The following PCNX1 variants were observed in gnomAD, a reference collection of about 807,000 sequenced individuals.
PCNX1 encodes pecanex-like protein 1.
PCNX1 carries 78 observed loss-of-function variants against 242.2 expected under a neutral mutation model. The observed-to-expected ratio is 0.32, with a 90% CI of 0.27 to 0.39. The LOEUF is 0.39. Among genes scored for constraint, PCNX1 ranks in the 10% least tolerant of loss-of-function variants. PCNX1 has a pLI of 1.00. For synonymous variants in PCNX1, 1,024 were observed against 1,032.9 expected (o/e 0.99, Z 0.17); for missense variants, 2,581 against 2,856.5 (o/e 0.90, Z 2.20).
chr14:71,052,684 C>T (rs1362131597), intron 24 of PCNX1, among the ~76,000 whole-genome samples: 3 of 151,932 alleles, frequency 2.0e-5, no homozygotes, highest in Non-Finnish European at 4.4e-5. Flanking sequence ...CTTAGAAATA[C>T]CTGGCTATTT....
At chr14:71,088,195 T>C in intron 28 of PCNX1, 135 bp from the exon 29 acceptor site, 2 of 471,734 alleles carry the variant, frequency 4.2e-6, no homozygotes, top group African/African-American at 1.9e-5. Flanking sequence ...CATACAGTTT[T>C]ATTAAGTTTA....
intron 1 of PCNX1, among the ~76,000 whole-genome samples, chr14:70,919,640 A>C (rs994977060): frequency 7.0e-6 from 1 of 143,820 alleles, no homozygotes; most frequent in African/African-American, 2.6e-5. Context: ...AAATCCATAT[A>C]GATGAACTTT....
chr14:71,083,824 T>C (rs557439344), intron 28 of PCNX1, among the ~76,000 whole-genome samples: 25 of 152,260 alleles, frequency 1.6e-4, no homozygotes, highest in Middle Eastern at 3.4e-3. Context: ...AGTTTGTTAT[T>C]ACCCATGTTC....
intron 1 of PCNX1, among the ~76,000 whole-genome samples, chr14:70,923,316 T>A (rs946613334): frequency 6.6e-6 from 1 of 152,204 alleles, no homozygotes; most frequent in Admixed American, 6.5e-5. Context: ...TATCAAAGGT[T>A]TGTAAAAAAA....
chr14:70,978,880 G>A (rs1334417458), intron 6 of PCNX1, among the ~76,000 whole-genome samples: 1 of 151,478 alleles, frequency 6.6e-6, no homozygotes, highest in East Asian at 2.0e-4. Flanking sequence ...TGTTCTTGAT[G>A]GTGTCAAGAA....
rs753852863 is a variant in PCNX1 at position 70,995,864 on chromosome 14, C to T, written c.2568C>T (p.His856=). Residue 856 remains histidine (H), a synonymous_variant, in exon 8 of 36, where the codon CAC becomes CAT. Transcript: ENST00000304743. ...ASLLVRNGSV[H]LEASHDNASA... ...TGCTGGTGAGAAATGGGAGTGTCCACTTAGAAGCATCACATGACAATGCAT... is the reference window on the plus strand; with the variant it reads ...TGCTGGTGAGAAATGGGAGTGTCCATTTAGAAGCATCACATGACAATGCAT... The T allele has an allele frequency of 6.2e-7, 1 of 1,614,042 alleles. No individual in the cohort carries two copies. Among genetic ancestry groups the T allele is most frequent in the African/African-American group, 1.3e-5 (1 of 75,026 alleles).
chr14:70,929,649 G>A (rs1162812251), intron 1 of PCNX1, among the ~76,000 whole-genome samples: 3 of 152,158 alleles, frequency 2.0e-5, no homozygotes, highest in African/African-American at 7.2e-5. Flanking sequence ...AAAAAGAAAA[G>A]TTGTCCTAAT....
intron 16 of PCNX1, chr14:71,031,809 G>T: frequency 6.7e-7 from 1 of 1,484,722 alleles, no homozygotes; most frequent in Non-Finnish European, 9.4e-7. Flanking sequence ...TGCATAGCTT[G>T]GCAGCGAGGA....
chr14:71,067,060 C>A (rs1318716287), intron 26 of PCNX1, among the ~76,000 whole-genome samples: 1 of 151,246 alleles, frequency 6.6e-6, no homozygotes, highest in Non-Finnish European at 1.5e-5. Flanking sequence ...GTATATTGGC[C>A]TGAAATTTTC....
At chr14:71,005,321 T>G (rs917727152) in intron 8 of PCNX1, among the ~76,000 whole-genome samples, 3 of 152,020 alleles carry the variant, frequency 2.0e-5, no homozygotes, top group Non-Finnish European at 4.4e-5. Flanking sequence ...CTGGGCAGCA[T>G]AGCAAGACCC....
At position 71,026,240 on chromosome 14, in the gene PCNX1, A is replaced by C. The variant is rs756625583; in HGVS notation, c.3307A>C (p.Thr1103Pro). The C allele has an allele frequency of 3.0e-5, 48 of 1,611,316 alleles. No individual in the cohort carries two copies. In the East Asian group the frequency reaches 1.1e-3, roughly 36 times the overall value. The stretch of plus-strand genomic sequence containing the variant: ...AACCAAGTTCAAATTATATGGAATA[A>C]CTTTCACCAATCCACTGGTGTTTAT... ...TATKFKLYGI[T>P]FTNPLVFISA... is the part of the protein sequence containing the mutation. The change falls in exon 14 of 36, where the codon ACT becomes CCT. Residue 1103 changes from threonine (T) to proline (P), a missense_variant. Physicochemically the swap from Thr to Pro is conservative, Grantham distance 38. Around this residue, in one of 9 missense-constraint regions of PCNX1, gnomAD observed 432 missense variants for 443.1 expected, o/e 0.97. Coordinates refer to ENST00000304743, the MANE Select transcript of PCNX1 (RefSeq NM_014982.3).
chr14:71,065,716 A>G (rs2061429588), intron 26 of PCNX1, among the ~76,000 whole-genome samples: 1 of 152,112 alleles, frequency 6.6e-6, no homozygotes, highest in Non-Finnish European at 1.5e-5. Flanking sequence ...GGTATTGTCT[A>G]GCTTTTCTTC....
intron 12 of PCNX1, among the ~76,000 whole-genome samples, chr14:71,021,765 G>A (rs1207133808): frequency 1.3e-5 from 2 of 151,830 alleles, no homozygotes; most frequent in Non-Finnish European, 2.9e-5. Flanking sequence ...CCTCATTTTT[G>A]ATCATGACTT....
chr14:71,087,843 G>C (rs1252817333), intron 28 of PCNX1, among the ~76,000 whole-genome samples: 1 of 152,080 alleles, frequency 6.6e-6, no homozygotes, highest in African/African-American at 2.4e-5. Context: ...TAAAAAGGTT[G>C]AGGGGAAACA....
chr14:70,969,042 C>T lies in PCNX1; in HGVS notation c.536C>T (p.Thr179Ile). 3 of 1,607,234 alleles carry T rather than the reference C, an allele frequency of 1.9e-6. No homozygotes were observed. Among genetic ancestry groups the T allele is most frequent in the African/African-American group, 1.3e-5 (1 of 74,888 alleles). ...GTAGGAGATACAGACACTGCTAAGA[C>T]TTCTGATGATATCAGTTTAAGTCTG... ...TIKGDTDTAK[T>I]SDDISLSLGQ... Residue 179 changes from threonine to isoleucine, a missense_variant, in exon 5 of 36, where the codon ACT becomes ATT. This residue lies in a region of PCNX1 where 1,204 missense variants were observed against 1,216.7 expected (regional missense o/e 0.99). Coordinates refer to ENST00000304743, the MANE Select transcript of PCNX1 (RefSeq NM_014982.3).
Position 70,977,867 on chromosome 14 carries a change from T to G in PCNX1, c.1530T>G (p.Thr510=). Residue 510 remains threonine, a synonymous_variant, in exon 6 of 36, where the codon ACT becomes ACG. Coordinates refer to ENST00000304743, the MANE Select transcript of PCNX1 (RefSeq NM_014982.3). ...AAGGGGACAGACCACCTGGGAACACTGCAGAAAACAAAGAAGAGAAGAGTG... is the reference window on the plus strand; with the variant it reads ...AAGGGGACAGACCACCTGGGAACACGGCAGAAAACAAAGAAGAGAAGAGTG... The part of the protein sequence containing the change: ...TSQGDRPPGN[T]AENKEEKSDK... 6.2e-7 allele frequency: 1 copy of G among 1,614,078 alleles called. No individual in the cohort carries two copies. Among genetic ancestry groups the G allele is most frequent in the East Asian group, 2.2e-5 (1 of 44,872 alleles).
At chr14:70,910,582 A>T (rs2055857140) in intron 1 of PCNX1, among the ~76,000 whole-genome samples, 1 of 152,104 alleles carries the variant, frequency 6.6e-6, no homozygotes, top group African/African-American at 2.4e-5. Context: ...GTTCTCATAT[A>T]CGTGAGGCTT....
At chr14:71,077,734 C>T (rs1034518619) in intron 28 of PCNX1, among the ~76,000 whole-genome samples, 14 of 152,326 alleles carry the variant, frequency 9.2e-5, no homozygotes, top group Admixed American at 3.3e-4. Flanking sequence ...AAACTTCTTT[C>T]TTCCAAACAT....
rs916457793 is a variant in PCNX1, at chr14:71,113,325, A to G, written c.*3390A>G. ...TTCTTAAAACAGAAGTAGTCAGACA[A>G]TATTTGTATCCTAAGTGAGATATGG... On this transcript the variant is annotated 3_prime_UTR_variant, in exon 36 of 36. Transcript: ENST00000304743. The G allele has an allele frequency of 2.6e-5, 4 of 152,606 alleles. No homozygotes were observed. Among genetic ancestry groups the G allele is most frequent in the African/African-American group, 7.2e-5 (3 of 41,452 alleles). The allele number at this position is 152,606 out of a possible 1,614,324, so 9.5% of individuals were successfully genotyped here. A position where few individuals can be genotyped will look rare whatever the true frequency, so the allele number is the denominator to read the frequency against.
Sources: allele counts gnomAD v4.1 joint callset (sites outside exome capture counted in the v4.1 genomes callset), GRCh38; gene constraint gnomAD v4.1.1; regional missense constraint gnomAD v4.1.1; transcripts MANE v1.5; gene names NCBI Gene and HGNC (gene_info 2026-07-23, HGNC 2026-07-21).